Variants in MAP4K5 observed in about 807,000 individuals in gnomAD.
The protein encoded by MAP4K5 is mitogen-activated protein kinase kinase kinase kinase 5, also known as MAPK/ERK kinase kinase kinase 5.
MAP4K5 carries 82 observed loss-of-function variants against 135.6 expected under a neutral mutation model. The observed-to-expected ratio is 0.60, with a 90% CI of 0.51 to 0.73. The LOEUF is 0.73. MAP4K5 is among the 30% of genes least tolerant of loss of function. The pLI is 0.00. For synonymous variants in MAP4K5, 347 were observed against 335.0 expected (o/e 1.04, Z -0.39); for missense variants, 907 against 1,010.9 (o/e 0.90, Z 1.39).
intron 26 of MAP4K5, among the ~76,000 whole-genome samples, chr14:50,437,115 C>T (rs1345370454): frequency 2.0e-5 from 3 of 152,028 alleles, no homozygotes; most frequent in Admixed American, 6.6e-5. Context: ...TGAACTGTTC[C>T]CTCTAACTGC....
chr14:50,482,551 GGC>G, intron 5 of MAP4K5, 135 bp from the exon 6 acceptor site: 1 of 564,398 alleles, frequency 1.8e-6, no homozygotes, highest in Non-Finnish European at 3.1e-6. Flanking sequence ...GGCCAAGGCA[GGC>G]GGATCACGAG....
chr14:50,482,379 T>C lies in MAP4K5; in HGVS notation c.360A>G (p.Val120=). 2 of 1,529,178 alleles carry C rather than the reference T, an allele frequency of 1.3e-6. No homozygotes were observed. Among genetic ancestry groups the C allele is most frequent in the Admixed American group, 2.3e-5 (1 of 42,978 alleles). The allele number at this position is 1,529,178 out of a possible 1,614,324, so 94.7% of individuals were successfully genotyped here. The part of the protein sequence containing the change: ...GPLSELQIAY[V]CRETLQGLAY... Reference sequence around the variant, plus strand: ...ATAGTACCTGTAAGGTTTCTCTGCATACATAGGCTATTTGCAATTCTGATA... The same window carrying C: ...ATAGTACCTGTAAGGTTTCTCTGCACACATAGGCTATTTGCAATTCTGATA... The change falls in exon 6 of 33, where the codon GTA becomes GTG. Residue 120 remains valine (V), a synonymous_variant. Coordinates refer to ENST00000682126, the MANE Select transcript of MAP4K5 (RefSeq NM_006575.6).
At chr14:50,471,231 G>C (rs986984290) in intron 9 of MAP4K5, among the ~76,000 whole-genome samples, 5 of 151,950 alleles carry the variant, frequency 3.3e-5, no homozygotes, top group African/African-American at 1.2e-4. Context: ...TGATAGTAAG[G>C]ATGCCCATAA....
chr14:50,515,482 C>A (rs1206393690), intron 2 of MAP4K5, among the ~76,000 whole-genome samples: 1 of 152,154 alleles, frequency 6.6e-6, no homozygotes, highest in Non-Finnish European at 1.5e-5. Flanking sequence ...ATACATCCTC[C>A]CTTACCTATC....
In MAP4K5 at chr14:50,532,542, T is replaced by A. The variant is rs1406844821; in HGVS notation, c.-204A>T. The A allele has an allele frequency of 6.7e-6, 1 of 150,142 alleles. No individual in the cohort carries two copies. Among genetic ancestry groups the A allele is most frequent in the Admixed American group, 6.6e-5 (1 of 15,078 alleles). The allele number at this position is 150,142 out of a possible 1,614,324, so 9.3% of individuals were successfully genotyped here. A position where few individuals can be genotyped will look rare whatever the true frequency, so the allele number is the denominator to read the frequency against. On this transcript the variant is annotated 5_prime_UTR_variant, in exon 1 of 33. Transcript: ENST00000682126. The stretch of plus-strand genomic sequence containing the variant: ...CGCCACTCAGCCGCTGCACGGCGCG[T>A]CCTCTCGGGGGCGGCGGAGGCGCGT...
chr14:50,490,130 AGTGTGT>A (rs34549753), intron 3 of MAP4K5, among the ~76,000 whole-genome samples: 112 of 121,246 alleles, frequency 9.2e-4, no homozygotes, highest in Admixed American at 7.7e-3. Flanking sequence ...AGCGAGTGAG[AGTGTGT>A]GTGTGTGTGT....
chr14:50,448,780 A>T lies in MAP4K5; in HGVS notation c.1068T>A (p.Asp356Glu). Residue 356 changes from aspartate to glutamate, a missense_variant, in exon 15 of 33, where the codon GAT (aspartate) becomes GAA (glutamate). Around this residue, in one of 3 missense-constraint regions of MAP4K5, gnomAD observed 690 missense variants for 777.4 expected, o/e 0.89. Coordinates refer to ENST00000682126, the MANE Select transcript of MAP4K5 (RefSeq NM_006575.6). ...TTTAAAAATGAATTCTTACCATTTC[A>T]TCTCGTGCTTCTGTTTCTTTTCTCA... ...PPLRKETEAR[D>E]EMGLSSDPNF... is the part of the protein sequence containing the mutation. 1 of 1,560,130 alleles carries T rather than the reference A, an allele frequency of 6.4e-7. No homozygotes were observed. The highest frequency in any genetic ancestry group is 8.7e-7 in the Non-Finnish European group (1 of 1,148,114).
chr14:50,492,655 T>C (rs1256309625), intron 3 of MAP4K5, among the ~76,000 whole-genome samples: 1 of 151,410 alleles, frequency 6.6e-6, no homozygotes, highest in Non-Finnish European at 1.5e-5. Context: ...AAGCAACCTA[T>C]AGGAGAAACT....
At chr14:50,516,555 A>G (rs961087072) in intron 2 of MAP4K5, among the ~76,000 whole-genome samples, 1 of 152,242 alleles carries the variant, frequency 6.6e-6, no homozygotes, top group Admixed American at 6.5e-5. Flanking sequence ...CTTATGGAAT[A>G]GTGAAAATAG....
chr14:50,425,540 TTATG>T (rs1479998188), intron 31 of MAP4K5, among the ~76,000 whole-genome samples: 2 of 152,174 alleles, frequency 1.3e-5, no homozygotes, highest in African/African-American at 4.8e-5. Context: ...TTATGCTCCA[TTATG>T]TATTAATTTA....
At chr14:50,485,432 TAC>T (rs1458026564) in intron 5 of MAP4K5, 144 bp downstream of exon 5, 2 of 546,466 alleles carry the variant, frequency 3.7e-6, no homozygotes, top group Non-Finnish European at 6.5e-6. Context: ...AAAAAATAAA[TAC>T]AGATTTCTGT....
intron 2 of MAP4K5, among the ~76,000 whole-genome samples, chr14:50,509,603 T>C (rs10047945): frequency 1 from 152,151 of 152,152 alleles, 76,075 homozygotes; most frequent in Non-Finnish European, 1. Flanking sequence ...TTTAAACATT[T>C]TGAAAAAAAT....
intron 5 of MAP4K5, chr14:50,483,135 A>G (rs1442033694): frequency 6.6e-6 from 1 of 152,216 alleles, no homozygotes; most frequent in Non-Finnish European, 1.5e-5. Flanking sequence ...CAATATATTA[A>G]AAGGCATCAT....
chr14:50,440,431 A>C lies in MAP4K5; in HGVS notation c.1575T>G (p.Ile525Met). 6.4e-7 allele frequency: 1 copy of C among 1,566,844 alleles called. No individual in the cohort carries two copies. Among genetic ancestry groups the C allele is most frequent in the East Asian group, 2.3e-5 (1 of 44,026 alleles). ...WIHPDTKDQY[I>M]IFGTEDGIYT... The stretch of plus-strand genomic sequence containing the variant: ...AAATACCATCTTCAGTTCCAAAAAT[A>C]ATGTACTGATCTAAAATAGTTGAGA... Residue 525 changes from isoleucine (I) to methionine (M), a missense_variant, in exon 22 of 33, where the codon ATT (isoleucine) becomes ATG (methionine). Around this residue, in one of 3 missense-constraint regions of MAP4K5, gnomAD observed 690 missense variants for 777.4 expected, o/e 0.89. Transcript: ENST00000682126.
At chr14:50,539,206 A>G (rs935049811) in intron 2 of MAP4K5, among the ~76,000 whole-genome samples, 4 of 152,244 alleles carry the variant, frequency 2.6e-5, no homozygotes, top group East Asian at 1.9e-4. Flanking sequence ...TGGCATCACA[A>G]TTACTCAAAC....
At chr14:50,553,270 C>CAAA (rs35423067) in intron 1 of MAP4K5, among the ~76,000 whole-genome samples, 7 of 103,144 alleles carry the variant, frequency 6.8e-5, no homozygotes, top group South Asian at 2.9e-4. Flanking sequence ...GACTCCGTTT[C>CAAA]AAAAAAAAAA....
intron 13 of MAP4K5, among the ~76,000 whole-genome samples, chr14:50,458,862 GC>G (rs1245363152): frequency 2.0e-5 from 3 of 152,118 alleles, no homozygotes; most frequent in African/African-American, 7.2e-5. Context: ...AGGCTGGAGT[GC>G]AGTGGCACAA....
chr14:50,504,221 C>T (rs1455419389), intron 3 of MAP4K5, among the ~76,000 whole-genome samples: 2 of 152,052 alleles, frequency 1.3e-5, no homozygotes, highest in African/African-American at 2.4e-5. Context: ...AATGAACATA[C>T]CACCAAATAT....
chr14:50,547,502 C>T (rs1209221862), intron 1 of MAP4K5, among the ~76,000 whole-genome samples: 1 of 152,156 alleles, frequency 6.6e-6, no homozygotes, highest in East Asian at 1.9e-4. Flanking sequence ...GGTGCCTGTA[C>T]ACTTGCCCTA....
Sources: gnomAD v4.1 joint callset for allele counts (sites outside exome capture counted in the v4.1 genomes callset) on GRCh38, gnomAD v4.1.1 for gene constraint, gnomAD v4.1.1 regional missense constraint, MANE v1.5 for transcripts, NCBI Gene and HGNC (gene_info 2026-07-23, HGNC 2026-07-21) for gene names.